HSD17B11: variants seen among roughly 807,000 people sequenced by gnomAD.
HSD17B11 encodes estradiol 17-beta-dehydrogenase 11.
HSD17B11 carries 22 observed loss-of-function variants against 27.8 expected under a neutral mutation model. The ratio of observed to expected loss-of-function variants is 0.79; its 90% CI spans 0.56 to 1.13. The LOEUF (loss-of-function observed/expected upper bound fraction) is 1.13, where lower values mean the gene tolerates loss of function less well. Among genes scored for constraint, HSD17B11 ranks in the 50% most tolerant of loss-of-function variants. The pLI, the probability that HSD17B11 is intolerant of heterozygous loss-of-function variation, is 0.00. For synonymous variants in HSD17B11, 117 were observed against 132.8 expected (o/e 0.88, Z 0.82); for missense variants, 314 against 351.1 (o/e 0.89, Z 0.84).
At chr4:87,377,289 A>G (rs540215168) in intron 2 of HSD17B11, among the ~76,000 whole-genome samples, 10 of 152,114 alleles carry the variant, frequency 6.6e-5, no homozygotes, top group Non-Finnish European at 1.3e-4. Context: ...GTCTCTACTA[A>G]AAGTACAAAA....
intron 4 of HSD17B11, among the ~76,000 whole-genome samples, chr4:87,360,364 G>A (rs1223461434): frequency 1.3e-5 from 2 of 152,122 alleles, no homozygotes; most frequent in Admixed American, 1.3e-4. Context: ...TCTCAGATCC[G>A]GTGTTTATCC....
chr4:87,378,872 ATATATAT>A (rs1720015016), intron 2 of HSD17B11, among the ~76,000 whole-genome samples: 2 of 15,742 alleles, frequency 1.3e-4, no homozygotes, highest in African/African-American at 1.1e-3. Context: ...ATATAAATAT[ATATATAT>A]AAATATATAT....
In HSD17B11 at chr4:87,374,737, C is replaced by CAA. The variant is rs1277340408; in HGVS notation, c.410_411dup (p.Glu138LeufsTer23). The CAA allele has an allele frequency of 6.2e-7, 1 of 1,608,950 alleles. No homozygotes were observed. The highest frequency in any genetic ancestry group is 1.3e-5 in the African/African-American group (1 of 74,606). On this transcript the variant is annotated frameshift_variant, in exon 3 of 7. Coordinates refer to ENST00000358290, the MANE Select transcript of HSD17B11 (RefSeq NM_016245.5). LOFTEE classifies it high-confidence loss of function. The stretch of plus-strand genomic sequence containing the variant: ...AGTACATTAACTTCAAAAGTCTTTT[C>CAA]AATCTGAGGATCTTGTGTAGCAAAC...
chr4:87,346,175 CCAT>C (rs1735267711), intron 5 of HSD17B11, among the ~76,000 whole-genome samples: 1 of 152,146 alleles, frequency 6.6e-6, no homozygotes, highest in African/African-American at 2.4e-5. Flanking sequence ...AAAACCTACA[CCAT>C]CATCTCAGTA....
At chr4:87,385,838 C>A (rs1720300450) in intron 1 of HSD17B11, 1 of 151,530 alleles carries the variant, frequency 6.6e-6, no homozygotes, top group Non-Finnish European at 1.5e-5. Context: ...TCACTTGAAT[C>A]CGGGAGGCAG....
intron 1 of HSD17B11, among the ~76,000 whole-genome samples, chr4:87,390,123 T>C (rs541792978): frequency 2.6e-5 from 4 of 152,140 alleles, no homozygotes; most frequent in South Asian, 4.1e-4. Context: ...GCAATAACTA[T>C]GGCAATGTAG....
At chr4:87,362,998 T>G (rs1434903143) in intron 4 of HSD17B11, among the ~76,000 whole-genome samples, 1 of 152,092 alleles carries the variant, frequency 6.6e-6, no homozygotes, top group Non-Finnish European at 1.5e-5. Context: ...AAGTCAGAGG[T>G]TGGATTAAAG....
chr4:87,370,699 G>A (rs1735692889), intron 4 of HSD17B11, among the ~76,000 whole-genome samples: 1 of 148,406 alleles, frequency 6.7e-6, no homozygotes, highest in Admixed American at 6.7e-5. Context: ...TTACAGGCGT[G>A]AGCCTCCACG....
chr4:87,374,846 T>TA lies in HSD17B11; in HGVS notation c.319-17dup, dbSNP rs763595135. The TA allele has an allele frequency of 6.5e-7, 1 of 1,538,674 alleles. No homozygotes were observed. The highest frequency in any genetic ancestry group is 8.8e-7 in the Non-Finnish European group (1 of 1,136,026). ...CTGCCTTCACCTTCAAAAAATAAAA[T>TA]AAGAAAAGTAAATTCATTAAGAGGT... On this transcript the variant is annotated splice_polypyrimidine_tract_variant and intron_variant, in intron 2 of 6. Transcript: ENST00000358290.
At chr4:87,382,408 T>C (rs771417513) in intron 1 of HSD17B11, 46 bp from the exon 2 acceptor site, 25 of 1,085,508 alleles carry the variant, frequency 2.3e-5, no homozygotes, top group Non-Finnish European at 3.5e-5. Context: ...GATATGAACA[T>C]ATTATATCGA....
chr4:87,341,066 G>A (rs1210873412), intron 5 of HSD17B11, among the ~76,000 whole-genome samples: 1 of 152,138 alleles, frequency 6.6e-6, no homozygotes, highest in African/African-American at 2.4e-5. Context: ...AAGCATCAGA[G>A]GAATTAGAAT....
At chr4:87,383,372 G>GA (rs932914730) in intron 1 of HSD17B11, among the ~76,000 whole-genome samples, 6 of 152,004 alleles carry the variant, frequency 3.9e-5, no homozygotes, top group Non-Finnish European at 7.4e-5. Flanking sequence ...ACTGGAGGAA[G>GA]AAAAAAACTG....
At position 87,337,254 on chromosome 4, in the gene HSD17B11, C is replaced by A. The variant is rs544215776; in HGVS notation, c.*22G>T. 1.4e-6 allele frequency: 2 copies of A among 1,430,990 alleles called. No homozygotes were observed. Among genetic ancestry groups the A allele is most frequent in the Admixed American group, 3.4e-5 (2 of 59,144 alleles). The allele number at this position is 1,430,990 out of a possible 1,614,324, so 88.6% of individuals were successfully genotyped here. A position where few individuals can be genotyped will look rare whatever the true frequency, so the allele number is the denominator to read the frequency against. On this transcript the variant is annotated 3_prime_UTR_variant, in exon 7 of 7. Coordinates refer to ENST00000358290, the MANE Select transcript of HSD17B11 (RefSeq NM_016245.5). ...TGACATCAACCTAAACCTGGTAAAT[C>A]AGTTTTCAGAAAACTAGGTGCTTAT...
intron 4 of HSD17B11, among the ~76,000 whole-genome samples, chr4:87,371,104 A>C (rs1735709619): frequency 6.6e-6 from 1 of 152,174 alleles, no homozygotes; most frequent in Non-Finnish European, 1.5e-5. Context: ...AGAGTAGAGT[A>C]ACTTGCCTAA....
At chr4:87,370,762 T>A (rs28610908) in intron 4 of HSD17B11, among the ~76,000 whole-genome samples, 18,099 of 90,898 alleles carry the variant, frequency 0.2, 3,577 homozygotes, top group East Asian at 0.32. Flanking sequence ...ATTATTTTTT[T>A]TTTTTTTTGA....
At chr4:87,383,735 C>T (rs1042552393) in intron 1 of HSD17B11, among the ~76,000 whole-genome samples, 2 of 138,792 alleles carry the variant, frequency 1.4e-5, no homozygotes, top group East Asian at 4.0e-4. Flanking sequence ...TTGCTTTTGG[C>T]CAATTTTTGC....
chr4:87,373,933 C>T (rs925655691), intron 3 of HSD17B11, among the ~76,000 whole-genome samples: 1 of 152,272 alleles, frequency 6.6e-6, no homozygotes, highest in African/African-American at 2.4e-5. Flanking sequence ...GAAACACACA[C>T]GGCATATGTA....
intron 4 of HSD17B11, among the ~76,000 whole-genome samples, chr4:87,372,088 A>G (rs909908892): frequency 7.9e-5 from 12 of 151,918 alleles, no homozygotes; most frequent in African/African-American, 2.9e-4. Context: ...TAAAAATACA[A>G]AAAAAGTAGC....
At chr4:87,355,909 AAAC>A (rs1735375121) in intron 5 of HSD17B11, among the ~76,000 whole-genome samples, 1 of 151,976 alleles carries the variant, frequency 6.6e-6, no homozygotes, top group African/African-American at 2.4e-5. Flanking sequence ...GTCTCAAAAA[AAAC>A]AAAAAACAAA....
Sources: gnomAD v4.1 joint callset for allele counts (sites outside exome capture counted in the v4.1 genomes callset) on GRCh38, gnomAD v4.1.1 for gene constraint, MANE v1.5 for transcripts, NCBI Gene and HGNC (gene_info 2026-07-23, HGNC 2026-07-21) for gene names.